The following ULK2 variants were observed in gnomAD, a reference collection of about 807,000 sequenced individuals.
The protein encoded by ULK2 is serine/threonine-protein kinase ULK2.
ULK2 carries 76 observed loss-of-function variants against 127.5 expected under a neutral mutation model. The observed-to-expected ratio is 0.60, with a 90% CI of 0.50 to 0.72. The LOEUF is 0.72. Among genes scored for constraint, ULK2 ranks in the 30% least tolerant of loss-of-function variants. The probability of loss-of-function intolerance (pLI) is 0.00; values close to 1 mark genes in which losing one functional copy is unlikely to be tolerated. For synonymous variants in ULK2, 452 were observed against 461.9 expected, an observed-to-expected ratio of 0.98 and a Z score of 0.28; for missense variants, 1,144 against 1,295.9, an observed-to-expected ratio of 0.88 and a Z score of 1.80.
intron 24 of ULK2, 35 bp downstream of exon 24, chr17:19,780,951 T>C (rs2152381456): frequency 6.3e-7 from 1 of 1,589,310 alleles, no homozygotes; most frequent in African/African-American, 1.3e-5. Flanking sequence ...ACTTAAGGAC[T>C]GACCCCTGGA....
chr17:19,821,511 T>C (rs1339994316), intron 12 of ULK2, among the ~76,000 whole-genome samples: 2 of 152,208 alleles, frequency 1.3e-5, no homozygotes, highest in Admixed American at 1.3e-4. Flanking sequence ...TTATATCACA[T>C]GCCTGTGTAT....
chr17:19,787,859 TC>T (rs1485649035), intron 20 of ULK2, among the ~76,000 whole-genome samples: 1 of 152,140 alleles, frequency 6.6e-6, no homozygotes, highest in East Asian at 1.9e-4. Flanking sequence ...CCTCCGCCCC[TC>T]CCCTGGCAGC....
At chr17:19,780,930 G>T in intron 24 of ULK2, 56 bp downstream of exon 24, 1 of 1,496,988 alleles carries the variant, frequency 6.7e-7, no homozygotes, top group South Asian at 1.1e-5. Context: ...ACAGTGTGAT[G>T]GGAAAGAGCA....
At chr17:19,804,413 A>G (rs1344035261) in intron 15 of ULK2, among the ~76,000 whole-genome samples, 1 of 152,020 alleles carries the variant, frequency 6.6e-6, no homozygotes, top group Non-Finnish European at 1.5e-5. Flanking sequence ...CTCAATTCTT[A>G]AAAGTAATTA....
At chr17:19,815,668 G>A (rs893360822) in intron 13 of ULK2, among the ~76,000 whole-genome samples, 1 of 152,112 alleles carries the variant, frequency 6.6e-6, no homozygotes, top group Non-Finnish European at 1.5e-5. Context: ...AGCCTAGTGG[G>A]TACCTTGAGT....
At chr17:19,853,922 G>C (rs2042071768) in intron 3 of ULK2, among the ~76,000 whole-genome samples, 1 of 152,158 alleles carries the variant, frequency 6.6e-6, no homozygotes. Context: ...TTCAACATAT[G>C]AATTTTGGAG....
chr17:19,821,436 G>A lies in ULK2; in HGVS notation c.924+3658C>T, dbSNP rs985238157. Among the ~76,000 whole-genome samples the A allele has an allele frequency of 2.7e-5, 4 of 147,774 alleles. No individual in the cohort carries two copies. In the Admixed American group the frequency reaches 2.7e-4, roughly 10 times the overall value. ...TTTGTAATTTTTTGTTTTGGGGGGGGCCTAGAATTTTTCTGGAATAAAATA... is the reference window on the plus strand; with the variant it reads ...TTTGTAATTTTTTGTTTTGGGGGGGACCTAGAATTTTTCTGGAATAAAATA... On this transcript the variant is annotated intron_variant, in intron 12 of 26. Coordinates refer to ENST00000395544, the MANE Select transcript of ULK2 (RefSeq NM_014683.4).
At chr17:19,866,456 G>A (rs950547041) in intron 1 of ULK2, among the ~76,000 whole-genome samples, 1 of 152,140 alleles carries the variant, frequency 6.6e-6, no homozygotes, top group Non-Finnish European at 1.5e-5. Flanking sequence ...TGCAGTGAGC[G>A]GAGATCTCGC....
chr17:19,794,662 C>T (rs1049740406), intron 20 of ULK2, among the ~76,000 whole-genome samples: 8 of 150,452 alleles, frequency 5.3e-5, no homozygotes, highest in East Asian at 2.0e-4. Context: ...TAGAAAGAAA[C>T]GATGCTGGCT....
intron 2 of ULK2, among the ~76,000 whole-genome samples, chr17:19,865,142 T>C (rs1432557365): frequency 6.6e-6 from 1 of 152,200 alleles, no homozygotes; most frequent in East Asian, 1.9e-4. Context: ...TGTATTAGTT[T>C]GGAAAACACC....
intron 3 of ULK2, among the ~76,000 whole-genome samples, chr17:19,851,763 G>A (rs1597811513): frequency 2.0e-5 from 3 of 151,998 alleles, no homozygotes; most frequent in African/African-American, 7.2e-5. Context: ...GGTGGTTCAC[G>A]ACTGTAATCC....
chr17:19,834,143 C>T lies in ULK2; in HGVS notation c.787+4358G>A, dbSNP rs142575667. ...TTCTCATCAGAAACAATGGAGGAGG[C>T]CAGAAAGCAGTAAGATGACATAGTC... On this transcript the variant is annotated intron_variant, in intron 10 of 26. Coordinates refer to ENST00000395544, the MANE Select transcript of ULK2 (RefSeq NM_014683.4). 7.3e-3 allele frequency among the ~76,000 whole-genome samples: 1,101 copies of T among 151,726 alleles called. 9 individuals carry two copies. Among genetic ancestry groups the T allele is most frequent in the African/African-American group, 0.025 (1,033 of 41,372 alleles).
At chr17:19,804,080 G>C (rs987026032) in intron 15 of ULK2, among the ~76,000 whole-genome samples, 2 of 152,054 alleles carry the variant, frequency 1.3e-5, no homozygotes, top group African/African-American at 2.4e-5. Flanking sequence ...TCACTGAATA[G>C]AGTAAGAATA....
chr17:19,849,843 TA>T, intron 3 of ULK2, 69 bp from the exon 4 acceptor site: 2 of 909,786 alleles, frequency 2.2e-6, no homozygotes, highest in Non-Finnish European at 1.7e-6. Flanking sequence ...TAATGATAGT[TA>T]AAAATACCAT....
intron 3 of ULK2, among the ~76,000 whole-genome samples, chr17:19,858,466 G>C (rs8066134): frequency 0.051 from 7,815 of 152,132 alleles, 569 homozygotes; most frequent in African/African-American, 0.15. Flanking sequence ...TCCTGTAAGA[G>C]TTCCACAATG....
intron 14 of ULK2, among the ~76,000 whole-genome samples, chr17:19,809,908 G>C (rs2087596706): frequency 6.6e-6 from 1 of 150,788 alleles, no homozygotes; most frequent in South Asian, 2.1e-4. Context: ...CCATCTCAAA[G>C]AAAAAAATAA....
In ULK2 at chr17:19,795,197, G is replaced by A. The variant is rs925510116; in HGVS notation, c.2101+425C>T. 1.4e-4 allele frequency among the ~76,000 whole-genome samples: 22 copies of A among 151,866 alleles called. 1 individual carries two copies. The highest frequency in any genetic ancestry group is 5.9e-4 in the Admixed American group (9 of 15,258). On this transcript the variant is annotated intron_variant, in intron 20 of 26. Coordinates refer to ENST00000395544, the MANE Select transcript of ULK2 (RefSeq NM_014683.4). ...GGCCAAGTAATCTAGATATACATGG[G>A]TGGTCATGAACATACAGTCTCTGGA...
chr17:19,814,786 T>C (rs746705876), intron 13 of ULK2, among the ~76,000 whole-genome samples: 2 of 152,066 alleles, frequency 1.3e-5, no homozygotes, highest in Non-Finnish European at 2.9e-5. Context: ...GTACAAGCAA[T>C]CCTTCCTCCT....
At chr17:19,799,686 G>A (rs1484060149) in intron 16 of ULK2, 111 bp from the exon 17 acceptor site, 6 of 1,061,570 alleles carry the variant, frequency 5.7e-6, no homozygotes, top group Admixed American at 7.1e-5. Flanking sequence ...CTACTGGTTA[G>A]AAAATTTTAA....
Sources: gnomAD v4.1 joint callset for allele counts (sites outside exome capture counted in the v4.1 genomes callset) on GRCh38, gnomAD v4.1.1 for gene constraint, MANE v1.5 for transcripts, NCBI Gene and HGNC (gene_info 2026-07-23, HGNC 2026-07-21) for gene names.